Variants in PLCB4 observed in about 807,000 individuals in gnomAD.
PLCB4 encodes the protein phospholipase C beta 4.
Under a neutral mutation model 178.8 loss-of-function variants are expected in PLCB4, and 77 were observed. The ratio of observed to expected loss-of-function variants is 0.43; its 90% CI spans 0.36 to 0.52. PLCB4 has a LOEUF of 0.52. PLCB4 is among the 20% of genes least tolerant of loss of function. The pLI is 0.00. For missense variants in PLCB4, 1,024 were observed against 1,453.4 expected (o/e 0.70, Z 4.80); for synonymous variants, 496 against 490.8 (o/e 1.01, Z -0.14).
intron 1 of PLCB4, among the ~76,000 whole-genome samples, chr20:9,094,802 T>C (rs2090835606): frequency 6.6e-6 from 1 of 152,208 alleles, no homozygotes; most frequent in South Asian, 2.1e-4. Flanking sequence ...TTTGGCTTAG[T>C]GTACGTGCAG....
Position 9,225,879 on chromosome 20 carries a change from T to C in PLCB4, c.-16+8427T>C, listed in dbSNP as rs578214063. On this transcript the variant is annotated intron_variant, in intron 3 of 39. Transcript: ENST00000378473. ...GCATTTGAAAAGTTCTTAACTATTT[T>C]ACTTTTCTGAAATGAAAAGAAGAGC... Among the ~76,000 whole-genome samples, 11 of 152,380 alleles carry C rather than the reference T, an allele frequency of 7.2e-5. 1 individual carries two copies. In the South Asian group the frequency reaches 2.3e-3, roughly 32 times the overall value.
chr20:9,226,540 G>A (rs990612674), intron 3 of PLCB4, among the ~76,000 whole-genome samples: 2 of 152,180 alleles, frequency 1.3e-5, no homozygotes, highest in Non-Finnish European at 2.9e-5. Flanking sequence ...AATGAGCACA[G>A]TATTACCTTT....
intron 1 of PLCB4, among the ~76,000 whole-genome samples, chr20:9,088,173 CTTTTCTTTT>C (rs368156962): frequency 0.53 from 58,895 of 111,262 alleles, 12,090 homozygotes; most frequent in Middle Eastern, 0.61. Flanking sequence ...CTTTTCTTTT[CTTTTCTTTT>C]TTTTTTTTTT....
At position 9,216,343 on chromosome 20, in the gene PLCB4, G is replaced by A. The variant is rs757283547; in HGVS notation, c.-78-1047G>A. ...CGCCATTTTCCTGCCTCAGCCTCCC[G>A]AGTAGCTGGGACTACAGGCGCCTGC... On this transcript the variant is annotated intron_variant, in intron 2 of 39. Transcript: ENST00000378473. Among the ~76,000 whole-genome samples, 72 of 151,968 alleles carry A rather than the reference G, an allele frequency of 4.7e-4. 1 individual carries two copies. Among genetic ancestry groups the A allele is most frequent in the South Asian group, 4.2e-4 (2 of 4,796 alleles).
chr20:9,078,146 A>G (rs1381705354), intron 1 of PLCB4, among the ~76,000 whole-genome samples: 2 of 151,050 alleles, frequency 1.3e-5, no homozygotes, highest in African/African-American at 2.4e-5. Flanking sequence ...ACACCTGGCT[A>G]TTTTTTTCTG....
At chr20:9,141,771 A>G (rs1271938383) in intron 2 of PLCB4, among the ~76,000 whole-genome samples, 2 of 152,094 alleles carry the variant, frequency 1.3e-5, no homozygotes, top group Admixed American at 6.6e-5. Flanking sequence ...TAGGAATTAA[A>G]TGGGGGATGG....
intron 3 of PLCB4, among the ~76,000 whole-genome samples, chr20:9,289,662 A>G (rs944054464): frequency 6.6e-6 from 1 of 152,040 alleles, no homozygotes; most frequent in Non-Finnish European, 1.5e-5. Context: ...TTTTGGTTGG[A>G]GGCCATATCT....
chr20:9,365,920 T>C (rs2035739414), intron 9 of PLCB4, among the ~76,000 whole-genome samples: 3 of 152,172 alleles, frequency 2.0e-5, no homozygotes, highest in Non-Finnish European at 4.4e-5. Flanking sequence ...GTGTGATGCC[T>C]CTGAACAGAG....
At chr20:9,300,083 C>A (rs2094686009) in intron 3 of PLCB4, among the ~76,000 whole-genome samples, 1 of 151,940 alleles carries the variant, frequency 6.6e-6, no homozygotes, top group East Asian at 1.9e-4. Context: ...TTTAAAAGCC[C>A]TGGATGATCT....
chr20:9,324,843 C>T lies in PLCB4; in HGVS notation c.85-12283C>T, dbSNP rs532823147. Among the ~76,000 whole-genome samples, 5 of 152,076 alleles carry T rather than the reference C, an allele frequency of 3.3e-5. No individual in the cohort carries two copies. The East Asian group carries it at 9.7e-4, about 29-fold the overall frequency. On this transcript the variant is annotated intron_variant, in intron 4 of 39. Coordinates refer to ENST00000378473, the MANE Select transcript of PLCB4 (RefSeq NM_001377142.1). The stretch of plus-strand genomic sequence containing the variant: ...CAAAAGTCCAACTGGAGTGACGTAT[C>T]ATGCAGCTCTTGTGGAAAAAAAAAA...
intron 25 of PLCB4, 141 bp from the exon 26 acceptor site, chr20:9,419,666 C>T (rs1274163183): frequency 3.0e-6 from 2 of 656,420 alleles, no homozygotes; most frequent in Non-Finnish European, 5.5e-6. Flanking sequence ...GGCACATTCT[C>T]TTCCATCCTT....
At chr20:9,339,167 C>A in intron 7 of PLCB4, 130 bp downstream of exon 7, 1 of 748,482 alleles carries the variant, frequency 1.3e-6, no homozygotes, top group Non-Finnish European at 2.1e-6. Flanking sequence ...GCTTTGCTGA[C>A]ATGTTTCTGT....
In PLCB4 at chr20:9,453,366, A is replaced by C; in HGVS notation, c.2900A>C (p.Lys967Thr). The change falls in exon 33 of 40, where the codon AAG becomes ACG. Residue 967 changes from lysine to threonine, a missense_variant. Lys to Thr is a moderately conservative substitution (Grantham distance 78). Transcript: ENST00000378473. ...KHAKEHSTMQ[K>T]LHCTQVDKIV... is the part of the protein sequence containing the mutation. ...GTTCAGGAACACAGTACCATGCAGA[A>C]GTTACACTGCACGCAAGTTGACAAA... The C allele has an allele frequency of 6.2e-7, 1 of 1,608,860 alleles. No homozygotes were observed. Among genetic ancestry groups the C allele is most frequent in the Non-Finnish European group, 8.5e-7 (1 of 1,175,526 alleles).
chr20:9,467,322 A>G (rs911533607), intron 35 of PLCB4, among the ~76,000 whole-genome samples: 1 of 152,192 alleles, frequency 6.6e-6, no homozygotes, highest in Admixed American at 6.5e-5. Flanking sequence ...AGAAATGTCT[A>G]ATGTAAATGA....
rs541303006 is a variant in PLCB4 at position 9,296,248 on chromosome 20, C to G, written c.-15-11552C>G. Among the ~76,000 whole-genome samples, 5 of 152,214 alleles carry G rather than the reference C, an allele frequency of 3.3e-5. No individual in the cohort carries two copies. The South Asian group carries it at 1.0e-3, about 32-fold the overall frequency. ...ACGACATTTATGCAGCCAAAAAACA[C>G]ATGAAAAAATGCTCATCATCCCTGG... On this transcript the variant is annotated intron_variant, in intron 3 of 39. Coordinates refer to ENST00000378473, the MANE Select transcript of PLCB4 (RefSeq NM_001377142.1).
intron 3 of PLCB4, among the ~76,000 whole-genome samples, chr20:9,232,014 T>TA (rs1206264357): frequency 6.6e-6 from 1 of 152,234 alleles, no homozygotes; most frequent in African/African-American, 2.4e-5. Flanking sequence ...TGGATGAACC[T>TA]AAAAAACATT....
intron 3 of PLCB4, among the ~76,000 whole-genome samples, chr20:9,303,207 G>A (rs1400533864): frequency 6.6e-6 from 1 of 152,134 alleles, no homozygotes; most frequent in Non-Finnish European, 1.5e-5. Context: ...TAAGCTTCTT[G>A]GGTAGAAGCT....
chr20:9,304,036 C>T (rs1601722415), intron 3 of PLCB4, among the ~76,000 whole-genome samples: 2 of 152,020 alleles, frequency 1.3e-5, no homozygotes, highest in East Asian at 3.9e-4. Context: ...CTCACTCTTG[C>T]TCTAAGTACT....
At chr20:9,461,249 G>A (rs543952649) in intron 35 of PLCB4, among the ~76,000 whole-genome samples, 1 of 152,318 alleles carries the variant, frequency 6.6e-6, no homozygotes, top group East Asian at 1.9e-4. Flanking sequence ...TCATGACCTA[G>A]TTACTAAAAT....
Sources: gnomAD v4.1 joint callset for allele counts (sites outside exome capture counted in the v4.1 genomes callset) on GRCh38, gnomAD v4.1.1 for gene constraint, MANE v1.5 for transcripts, NCBI Gene and HGNC (gene_info 2026-07-23, HGNC 2026-07-21) for gene names.